Variants in GOT2 observed in about 807,000 individuals in gnomAD.
GOT2 encodes the protein glutamic-oxaloacetic transaminase 2.
In GOT2, 17 loss-of-function variants were observed where a neutral mutation model predicts 50.0. The observed-to-expected ratio is 0.34, with a 90% CI of 0.23 to 0.51. GOT2 has a LOEUF of 0.51. GOT2 is among the 20% of genes least tolerant of loss of function. The pLI is 0.97. For missense variants in GOT2, 430 were observed against 559.6 expected (o/e 0.77, Z 2.34); for synonymous variants, 172 against 204.9 (o/e 0.84, Z 1.37).
chr16:58,708,102 C>G lies in GOT2; in HGVS notation c.*69G>C. Reference sequence around the variant, plus strand: ...ACCACCATCCACCCTCTCTCATTGTCTGTGTGAAGCTCTCAATAGCAGAGG... The same window carrying G: ...ACCACCATCCACCCTCTCTCATTGTGTGTGTGAAGCTCTCAATAGCAGAGG... On this transcript the variant is annotated 3_prime_UTR_variant, in exon 10 of 10. Coordinates refer to ENST00000245206, the MANE Select transcript of GOT2 (RefSeq NM_002080.4). 1 of 1,496,212 alleles carries G rather than the reference C, an allele frequency of 6.7e-7. No homozygotes were observed. Among genetic ancestry groups the G allele is most frequent in the Non-Finnish European group, 9.2e-7 (1 of 1,088,558 alleles). 92.7% of individuals were successfully genotyped at this position (1,496,212 alleles called of 1,614,324 possible). A position where few individuals can be genotyped will look rare whatever the true frequency, so the allele number is the denominator to read the frequency against.
chr16:58,708,520 G>GCTGGAACCTGGAAC (rs1183079765), intron 9 of GOT2, among the ~76,000 whole-genome samples: 1 of 152,022 alleles, frequency 6.6e-6, no homozygotes, highest in Non-Finnish European at 1.5e-5. Flanking sequence ...CAGGAGAATA[G>GCTGGAACCTGGAAC]CTGGAACCTG....
rs191911176 is a variant in GOT2, at chr16:58,716,534, G to C, written c.853+129C>G. 1.4e-3 allele frequency: 1,080 copies of C among 750,144 alleles called. 2 individuals carry two copies. The highest frequency in any genetic ancestry group is 1.7e-3 in the Non-Finnish European group (788 of 470,188). The allele number at this position is 750,144 out of a possible 1,614,324, so 46.5% of individuals were successfully genotyped here. On this transcript the variant is annotated intron_variant, in intron 7 of 9. Transcript: ENST00000245206. The stretch of plus-strand genomic sequence containing the variant: ...TACGATACTGGTCTTTCATCTTAGG[G>C]TAGGGAGGGACATGGACATGGATGG...
At chr16:58,732,475 A>T (rs2044842464) in intron 1 of GOT2, among the ~76,000 whole-genome samples, 1 of 152,228 alleles carries the variant, frequency 6.6e-6, no homozygotes. Flanking sequence ...GATCTAAGAT[A>T]CAACATTAAA....
intron 3 of GOT2, among the ~76,000 whole-genome samples, chr16:58,720,180 C>A (rs2044730072): frequency 6.6e-6 from 1 of 152,130 alleles, no homozygotes; most frequent in Admixed American, 6.5e-5. Context: ...CCAGCCTGGG[C>A]AACAAGAGCG....
chr16:58,722,085 T>C (rs2044745573), intron 3 of GOT2, 65 bp downstream of exon 3: 1 of 1,584,322 alleles, frequency 6.3e-7, no homozygotes, highest in East Asian at 2.3e-5. Flanking sequence ...TGGCCTAAAA[T>C]TGTTTAAATA....
chr16:58,719,782 G>T (rs1370812446), intron 3 of GOT2, among the ~76,000 whole-genome samples: 1 of 152,052 alleles, frequency 6.6e-6, no homozygotes, highest in East Asian at 1.9e-4. Context: ...AAAATAAAAA[G>T]ACACTGAGAA....
In GOT2 at chr16:58,707,823, C is replaced by G. The variant is rs2044616013; in HGVS notation, c.*348G>C. 5.8e-6 allele frequency: 1 copy of G among 172,612 alleles called. No homozygotes were observed. Among genetic ancestry groups the G allele is most frequent in the African/African-American group, 2.4e-5 (1 of 41,884 alleles). 10.7% of individuals were successfully genotyped at this position (172,612 alleles called of 1,614,324 possible). ...AGCCTCTAACGTGTGCTGTTTCTCA[C>G]GAGGAACCTGACACTTCAGTTAAAG... On this transcript the variant is annotated 3_prime_UTR_variant, in exon 10 of 10. Transcript: ENST00000245206.
At chr16:58,728,827 C>A (rs2044808228) in intron 1 of GOT2, among the ~76,000 whole-genome samples, 1 of 152,112 alleles carries the variant, frequency 6.6e-6, no homozygotes, top group Admixed American at 6.6e-5. Flanking sequence ...ATTATAGGCA[C>A]CCGCCACCAC....
rs30842 is a variant in GOT2, at chr16:58,709,550, A to C, written c.1037T>G (p.Val346Gly). 0.69 allele frequency: 1,108,096 copies of C among 1,608,742 alleles called. 384,568 individuals are homozygous for C. Among genetic ancestry groups the C allele is most frequent in the African/African-American group, 0.88 (65,789 of 74,952 alleles). ...LRKQWLQEVK[V>G]MADRIIGMRT... ...CATGCCAATGATGCGGTCAGCCATGACTTTCACTTCTTGCAGCCTGTAAAG... is the reference window on the plus strand; with the variant it reads ...CATGCCAATGATGCGGTCAGCCATGCCTTTCACTTCTTGCAGCCTGTAAAG... The change falls in exon 9 of 10, where the codon GTC becomes GGC. Residue 346 changes from valine (V) to glycine (G), a missense_variant. Coordinates refer to ENST00000245206, the MANE Select transcript of GOT2 (RefSeq NM_002080.4).
intron 1 of GOT2, among the ~76,000 whole-genome samples, chr16:58,726,288 C>A (rs9921588): frequency 2.6e-5 from 4 of 151,926 alleles, no homozygotes; most frequent in African/African-American, 4.8e-5. Context: ...CGGGTTCAAG[C>A]GATTCTCCTG....
chr16:58,729,037 G>C (rs938580765), intron 1 of GOT2, among the ~76,000 whole-genome samples: 3 of 151,866 alleles, frequency 2.0e-5, no homozygotes, highest in Non-Finnish European at 2.9e-5. Context: ...AGAATCAGGA[G>C]ACACTGCCAT....
chr16:58,722,376 G>GT, intron 2 of GOT2, 98 bp from the exon 3 acceptor site: 1 of 1,274,762 alleles, frequency 7.8e-7, no homozygotes, highest in Admixed American at 2.1e-5. Flanking sequence ...TGGAGGTAAA[G>GT]TCTTTTTTTT....
chr16:58,729,250 T>C (rs2044812324), intron 1 of GOT2, among the ~76,000 whole-genome samples: 1 of 79,644 alleles, frequency 1.3e-5, no homozygotes, highest in South Asian at 3.7e-4. Flanking sequence ...CCTGAAAACA[T>C]GCAGCCACCT....
intron 2 of GOT2, among the ~76,000 whole-genome samples, chr16:58,722,495 C>T (rs900307792): frequency 2.6e-5 from 4 of 151,774 alleles, no homozygotes; most frequent in Non-Finnish European, 5.9e-5. Context: ...TTCAGCCTCC[C>T]GAGTAGCTGG....
chr16:58,733,568 CG>C (rs1184022120), intron 1 of GOT2, among the ~76,000 whole-genome samples: 2 of 152,182 alleles, frequency 1.3e-5, no homozygotes, highest in African/African-American at 4.8e-5. Flanking sequence ...ACAGGGACCT[CG>C]GGGGGTCGCA....
At chr16:58,719,279 A>G (rs200535094) in intron 3 of GOT2, 24 bp from the exon 4 acceptor site, 19 of 1,574,156 alleles carry the variant, frequency 1.2e-5, no homozygotes, top group Non-Finnish European at 1.7e-5. Flanking sequence ...ACCCACGGTC[A>G]GTGATGTGCA....
At chr16:58,726,970 A>G (rs574240460) in intron 1 of GOT2, among the ~76,000 whole-genome samples, 78 of 152,134 alleles carry the variant, frequency 5.1e-4, no homozygotes, top group Non-Finnish European at 1.0e-3. Context: ...TCTGACCAAC[A>G]CGGTGAAACT....
Position 58,707,835 on chromosome 16 carries a change from C to A in GOT2, c.*336G>T. The A allele has an allele frequency of 5.5e-6, 1 of 181,062 alleles. No individual in the cohort carries two copies. Among genetic ancestry groups the A allele is most frequent in the Non-Finnish European group, 1.2e-5 (1 of 85,840 alleles). The allele number at this position is 181,062 out of a possible 1,614,324, so 11.2% of individuals were successfully genotyped here. On this transcript the variant is annotated 3_prime_UTR_variant, in exon 10 of 10. Transcript: ENST00000245206. ...GTGCTGTTTCTCACGAGGAACCTGA[C>A]ACTTCAGTTAAAGCTTCTGAAATAT...
At chr16:58,714,659 A>G (rs2044677051) in intron 8 of GOT2, among the ~76,000 whole-genome samples, 1 of 151,990 alleles carries the variant, frequency 6.6e-6, no homozygotes, top group African/African-American at 2.4e-5. Context: ...TGGAGGTTGC[A>G]GTGATTGTGC....
Sources: gnomAD v4.1 joint callset for allele counts (sites outside exome capture counted in the v4.1 genomes callset) on GRCh38, gnomAD v4.1.1 for gene constraint, MANE v1.5 for transcripts, NCBI Gene and HGNC (gene_info 2026-07-23, HGNC 2026-07-21) for gene names.